Variants in CCDC32 observed in about 807,000 individuals in gnomAD.
The protein encoded by CCDC32 is coiled-coil domain containing 32, also known as coiled-coil domain-containing protein 32.
In CCDC32, 9 loss-of-function variants were observed where a neutral mutation model predicts 20.1. The observed-to-expected ratio is 0.45, with a 90% CI of 0.27 to 0.78. The LOEUF is 0.78. Ranked by LOEUF, CCDC32 falls within the 30% of genes least tolerant of loss-of-function variation. The pLI is 0.16. For missense variants in CCDC32, 204 were observed against 215.5 expected (o/e 0.95, Z 0.33); for synonymous variants, 63 against 79.0 (o/e 0.80, Z 1.07).
rs1327739695 is a variant in CCDC32, at chr15:40,562,777, G to A, written c.239C>T (p.Ser80Phe). ...PLQDSEVYLASLEKKLRRIKG... is the reference protein window; with the variant it reads ...PLQDSEVYLAFLEKKLRRIKG... ...CCTAGAGCCGTCAAACTTACCTAGA[G>A]ATGCTAAATACACTTCTGAATCCTG... Residue 80 changes from serine to phenylalanine, a missense_variant, in exon 2 of 4, where the codon TCT becomes TTT. Coordinates refer to ENST00000416810, the MANE Select transcript of CCDC32 (RefSeq NM_001080792.4). 1 of 1,612,586 alleles carries A rather than the reference G, an allele frequency of 6.2e-7. No individual in the cohort carries two copies. The highest frequency in any genetic ancestry group is 8.5e-7 in the Non-Finnish European group (1 of 1,179,100).
intron 3 of CCDC32, among the ~76,000 whole-genome samples, chr15:40,555,636 C>T (rs192205010): frequency 1.9e-4 from 29 of 152,250 alleles, no homozygotes; most frequent in Non-Finnish European, 2.8e-4. Flanking sequence ...TTAGATGCTA[C>T]GCTGATTTCT....
At chr15:40,527,436 G>T (rs1435511516), downstream of CCDC32, among the ~76,000 whole-genome samples, 1 of 152,214 alleles carries the variant, frequency 6.6e-6, no homozygotes, top group Admixed American at 6.5e-5. Flanking sequence ...CTCCCAAGGT[G>T]CTGGGATTAC....
downstream of CCDC32, among the ~76,000 whole-genome samples, chr15:40,526,178 A>C (rs1440070468): frequency 6.6e-6 from 1 of 152,172 alleles, no homozygotes. Flanking sequence ...CACAATTGAC[A>C]GTGGTTACTG....
intron 1 of CCDC32, among the ~76,000 whole-genome samples, chr15:40,564,052 T>C (rs1362427959): frequency 6.6e-6 from 1 of 152,080 alleles, no homozygotes; most frequent in African/African-American, 2.4e-5. Flanking sequence ...GATCTCCTGA[T>C]CTTGTGATCC....
chr15:40,546,608 A>G (rs1378688271), intron 3 of CCDC32, among the ~76,000 whole-genome samples: 1 of 152,040 alleles, frequency 6.6e-6, no homozygotes, highest in Non-Finnish European at 1.5e-5. Context: ...TCCCTCTGTG[A>G]TAGTTCCAAC....
At chr15:40,536,618 A>C (rs976863013), downstream of CCDC32, 6 of 152,232 alleles carry the variant, frequency 3.9e-5, no homozygotes, top group Non-Finnish European at 5.9e-5. Flanking sequence ...GGCCAGGGGG[A>C]GCTGGGTGGA....
intron 3 of CCDC32, among the ~76,000 whole-genome samples, chr15:40,539,587 G>T (rs142843808): frequency 6.6e-6 from 1 of 152,170 alleles, no homozygotes; most frequent in African/African-American, 2.4e-5. Context: ...GGACACGGGG[G>T]CCCGTGGCAC....
chr15:40,532,869 T>C (rs1373551212), downstream of CCDC32, among the ~76,000 whole-genome samples: 1 of 151,674 alleles, frequency 6.6e-6, no homozygotes. Flanking sequence ...ACCTGGCTAA[T>C]TTTTTTTATT....
chr15:40,550,624 G>A (rs1357290428), downstream of CCDC32, among the ~76,000 whole-genome samples: 1 of 152,220 alleles, frequency 6.6e-6, no homozygotes, highest in Non-Finnish European at 1.5e-5. Flanking sequence ...GTCAAATTTG[G>A]TTTTGGTAAA....
chr15:40,539,155 C>T, downstream of CCDC32: 1 of 1,199,894 alleles, frequency 8.3e-7, no homozygotes, highest in Non-Finnish European at 1.2e-6. Flanking sequence ...TGTTTCTCCC[C>T]AGCTCCCGCT....
downstream of CCDC32, among the ~76,000 whole-genome samples, chr15:40,532,654 T>C (rs560883333): frequency 6.6e-6 from 1 of 152,154 alleles, no homozygotes; most frequent in South Asian, 2.1e-4. Context: ...CTGCATATTC[T>C]TTGTAATTAT....
chr15:40,532,485 T>G (rs1179175718), downstream of CCDC32, among the ~76,000 whole-genome samples: 1 of 152,186 alleles, frequency 6.6e-6, no homozygotes, highest in Non-Finnish European at 1.5e-5. Flanking sequence ...CTGGGCACAT[T>G]AATTTTCATC....
chr15:40,535,753 T>G, downstream of CCDC32: 1 of 666,320 alleles, frequency 1.5e-6, no homozygotes, highest in Non-Finnish European at 1.9e-6. Flanking sequence ...TTTCTCTGAT[T>G]GCAGTGGAGT....
chr15:40,534,089 C>T (rs1889004337), downstream of CCDC32, among the ~76,000 whole-genome samples: 1 of 152,186 alleles, frequency 6.6e-6, no homozygotes, highest in South Asian at 2.1e-4. Flanking sequence ...CTGGTAATCC[C>T]ACTCCTGGGA....
At chr15:40,552,063 GCA>G (rs905306528), downstream of CCDC32, among the ~76,000 whole-genome samples, 1 of 151,948 alleles carries the variant, frequency 6.6e-6, no homozygotes, top group Admixed American at 6.6e-5. Flanking sequence ...GGAAGCTGAG[GCA>G]GAAGGATGGA....
chr15:40,559,283 CA>C, intron 2 of CCDC32, among the ~76,000 whole-genome samples: 1 of 152,306 alleles, frequency 6.6e-6, no homozygotes, highest in East Asian at 1.9e-4. Flanking sequence ...AAGACAGTCT[CA>C]CTATGTTGCC....
intron 2 of CCDC32, chr15:40,562,095 C>G (rs1890682268): frequency 6.6e-6 from 1 of 150,732 alleles, no homozygotes; most frequent in African/African-American, 2.4e-5. Context: ...ACTCCAGCAT[C>G]AGAAATCCAC....
chr15:40,530,488 C>CCT (rs896502252), downstream of CCDC32, among the ~76,000 whole-genome samples: 10 of 139,478 alleles, frequency 7.2e-5, no homozygotes, highest in African/African-American at 1.6e-4. Context: ...TCTCTCTCTC[C>CCT]CTCTCTCTCT....
downstream of CCDC32, among the ~76,000 whole-genome samples, chr15:40,549,764 G>C (rs1889766542): frequency 6.6e-6 from 1 of 152,208 alleles, no homozygotes; most frequent in South Asian, 2.1e-4. Flanking sequence ...CCCAATGGCA[G>C]TATCCTATCT....
Sources: allele counts gnomAD v4.1 joint callset (sites outside exome capture counted in the v4.1 genomes callset), GRCh38; gene constraint gnomAD v4.1.1; transcripts MANE v1.5; gene names NCBI Gene and HGNC (gene_info 2026-07-23, HGNC 2026-07-21).